Variants in RAB3IP observed in about 807,000 individuals in gnomAD.
The protein encoded by RAB3IP is rab-3A-interacting protein.
In RAB3IP, 36 loss-of-function variants were observed where a neutral mutation model predicts 59.1. The observed-to-expected ratio is 0.61, with a 90% CI of 0.47 to 0.80. RAB3IP has a LOEUF of 0.80. RAB3IP is among the 30% of genes least tolerant of loss of function. The pLI is 0.00. For synonymous variants in RAB3IP, 207 were observed against 191.2 expected (o/e 1.08, Z -0.68); for missense variants, 511 against 536.0 (o/e 0.95, Z 0.46).
intron 8 of RAB3IP, among the ~76,000 whole-genome samples, chr12:69,802,957 C>T (rs1281140783): frequency 1.3e-5 from 2 of 152,060 alleles, no homozygotes; most frequent in Non-Finnish European, 2.9e-5. Flanking sequence ...TCTACAAATA[C>T]CCAAGTATTT....
chr12:69,761,764 G>A (rs1871342890), intron 3 of RAB3IP, among the ~76,000 whole-genome samples: 1 of 152,038 alleles, frequency 6.6e-6, no homozygotes, highest in Admixed American at 6.6e-5. Context: ...GATATATTAG[G>A]GTGATGCTTA....
intron 3 of RAB3IP, among the ~76,000 whole-genome samples, chr12:69,766,757 C>T (rs1015162543): frequency 9.2e-5 from 14 of 152,026 alleles, no homozygotes; most frequent in African/African-American, 3.1e-4. Flanking sequence ...AACTCCTGAC[C>T]TCAGGTGATC....
intron 4 of RAB3IP, among the ~76,000 whole-genome samples, chr12:69,788,114 C>A (rs1376282111): frequency 6.6e-6 from 1 of 152,018 alleles, no homozygotes; most frequent in Non-Finnish European, 1.5e-5. Flanking sequence ...AGATGAAGGT[C>A]TGGTCTAAGT....
chr12:69,802,228 A>G (rs750261355), intron 8 of RAB3IP, among the ~76,000 whole-genome samples: 308 of 152,114 alleles, frequency 2.0e-3, no homozygotes, highest in Admixed American at 6.1e-3. Context: ...ACCATCAAAA[A>G]TAGTTTGGGA....
At position 69,811,585 on chromosome 12, in the gene RAB3IP, T is replaced by G. The variant is rs569330390; in HGVS notation, c.1131-1193T>G. Among the ~76,000 whole-genome samples the G allele has an allele frequency of 2.0e-5, 3 of 152,336 alleles. No individual in the cohort carries two copies. The South Asian group carries it at 6.2e-4, about 32-fold the overall frequency. ...TTATGCAAATTATACTTTTGGAAGT[T>G]CCACAGACTTCCAACACTTTGTGCT... On this transcript the variant is annotated intron_variant, in intron 8 of 10. Coordinates refer to ENST00000247833, the MANE Select transcript of RAB3IP (RefSeq NM_022456.5).
At chr12:69,799,066 T>C (rs1286600409) in intron 6 of RAB3IP, among the ~76,000 whole-genome samples, 3 of 152,202 alleles carry the variant, frequency 2.0e-5, no homozygotes, top group Non-Finnish European at 4.4e-5. Flanking sequence ...TATATGCTAA[T>C]ATTATTTATC....
intron 7 of RAB3IP, 68 bp downstream of exon 7, chr12:69,800,405 ATTACATATTTTAATATCTC>A (rs1878193967): frequency 1.0e-6 from 1 of 961,952 alleles, no homozygotes; most frequent in Admixed American, 3.3e-5. Flanking sequence ...ACTAAATCAT[ATTACATATTTTAATATCTC>A]TTACATAAAT....
At chr12:69,758,756 CTTTTTTTTTTTTTTTT>C (rs71437121) in intron 3 of RAB3IP, among the ~76,000 whole-genome samples, 3 of 48,206 alleles carry the variant, frequency 6.2e-5, no homozygotes, top group African/African-American at 1.6e-4. Context: ...GTGTTCATTC[CTTTTTTTTTTTTTTTT>C]TTTTTTTTTA....
At chr12:69,748,296 G>T (rs1868671904) in intron 1 of RAB3IP, among the ~76,000 whole-genome samples, 1 of 152,000 alleles carries the variant, frequency 6.6e-6, no homozygotes, top group South Asian at 2.1e-4. Flanking sequence ...GATTTCTTGA[G>T]TTGTCCTAGG....
chr12:69,795,262 G>T lies in RAB3IP; in HGVS notation c.806G>T (p.Arg269Ile). 6.2e-7 allele frequency: 1 copy of T among 1,614,046 alleles called. No homozygotes were observed. Among genetic ancestry groups the T allele is most frequent in the African/African-American group, 1.3e-5 (1 of 75,038 alleles). ...ACACCTTTTAAAAAGGGGCATACAA[G>T]AAATAAAAGCACAAGCAGTGCTATG... is the stretch of plus-strand genomic sequence containing the variant. ...GKTPFKKGHT[R>I]NKSTSSAMSG... The change falls in exon 6 of 11, where the codon AGA becomes ATA. Residue 269 changes from arginine (R) to isoleucine (I), a missense_variant. Transcript: ENST00000247833.
chr12:69,799,370 T>C (rs1825341740), intron 6 of RAB3IP, among the ~76,000 whole-genome samples: 3 of 152,150 alleles, frequency 2.0e-5, no homozygotes, highest in Admixed American at 6.6e-5. Context: ...CAGTGCAACT[T>C]TGTATTCCAG....
intron 3 of RAB3IP, among the ~76,000 whole-genome samples, chr12:69,783,119 C>T (rs1335229060): frequency 6.6e-6 from 1 of 151,970 alleles, no homozygotes; most frequent in Non-Finnish European, 1.5e-5. Context: ...TTTTTGTTTC[C>T]CATGTTTAAA....
intron 8 of RAB3IP, among the ~76,000 whole-genome samples, chr12:69,810,605 C>G (rs1288755682): frequency 4.2e-5 from 6 of 141,252 alleles, no homozygotes; most frequent in Non-Finnish European, 7.6e-5. Context: ...GGCCTAGAAA[C>G]AAATCAAAGT....
chr12:69,812,763 A>G lies in RAB3IP; in HGVS notation c.1131-15A>G, dbSNP rs371901238. The G allele has an allele frequency of 2.9e-5, 45 of 1,563,524 alleles. No individual in the cohort carries two copies. The highest frequency in any genetic ancestry group is 1.4e-5 in the African/African-American group (1 of 73,034). ...TTTTCATTTCAAAAAACTGAAATTT[A>G]TCATTATTTCACAGAAAATGTGCTC... On this transcript the variant is annotated splice_polypyrimidine_tract_variant and intron_variant, in intron 8 of 10. Coordinates refer to ENST00000247833, the MANE Select transcript of RAB3IP (RefSeq NM_022456.5).
At chr12:69,769,207 T>G (rs1308353559) in intron 3 of RAB3IP, among the ~76,000 whole-genome samples, 1 of 152,146 alleles carries the variant, frequency 6.6e-6, no homozygotes, top group Non-Finnish European at 1.5e-5. Context: ...CAGTCTTGGG[T>G]ATGTCTTTAT....
intron 1 of RAB3IP, among the ~76,000 whole-genome samples, chr12:69,747,403 A>G (rs921807563): frequency 6.6e-6 from 1 of 151,876 alleles, no homozygotes; most frequent in Non-Finnish European, 1.5e-5. Context: ...ACAGTTCGCT[A>G]TAGCCTCAAC....
At chr12:69,797,456 T>G (rs1877612066) in intron 6 of RAB3IP, among the ~76,000 whole-genome samples, 1 of 151,260 alleles carries the variant, frequency 6.6e-6, no homozygotes, top group Non-Finnish European at 1.5e-5. Flanking sequence ...CTTTGGGGTT[T>G]ATGTCCTTTT....
chr12:69,793,781 T>G (rs759798580), intron 4 of RAB3IP, among the ~76,000 whole-genome samples: 1 of 152,190 alleles, frequency 6.6e-6, no homozygotes, highest in Non-Finnish European at 1.5e-5. Context: ...AATCAGCATC[T>G]GGAGCAGTAC....
In RAB3IP at chr12:69,800,195, C is replaced by CT; in HGVS notation, c.889-11dup. On this transcript the variant is annotated splice_polypyrimidine_tract_variant and intron_variant, in intron 6 of 10. Transcript: ENST00000247833. ...TTTTAAAACATGTTTTTGTGTTTTC[C>CT]TTTGGTTTGTTAGGCTGACTTATCC... 2 of 1,489,992 alleles carry CT rather than the reference C, an allele frequency of 1.3e-6. No individual in the cohort carries two copies. The allele number at this position is 1,489,992 out of a possible 1,614,324, so 92.3% of individuals were successfully genotyped here. A position where few individuals can be genotyped will look rare whatever the true frequency, so the allele number is the denominator to read the frequency against.
Sources: allele counts gnomAD v4.1 joint callset (sites outside exome capture counted in the v4.1 genomes callset), GRCh38; gene constraint gnomAD v4.1.1; transcripts MANE v1.5; gene names NCBI Gene and HGNC (gene_info 2026-07-23, HGNC 2026-07-21).